Variants in PEX5L observed in about 807,000 individuals in gnomAD.
PEX5L encodes the protein PEX5-related protein.
In PEX5L, 30 loss-of-function variants were observed where a neutral mutation model predicts 84.0. That is an observed-to-expected ratio of 0.36 (90% CI 0.27 to 0.48). PEX5L has a LOEUF of 0.48. PEX5L is among the 20% of genes least tolerant of loss of function. The pLI, the probability that PEX5L is intolerant of heterozygous loss-of-function variation, is 0.99. For missense variants in PEX5L, 533 were observed against 754.6 expected, an observed-to-expected ratio of 0.71 and a Z score of 3.44; for synonymous variants, 270 against 283.1, an observed-to-expected ratio of 0.95 and a Z score of 0.46.
chr3:179,864,601 A>G (rs970578817), intron 7 of PEX5L, among the ~76,000 whole-genome samples: 7 of 152,120 alleles, frequency 4.6e-5, no homozygotes, highest in African/African-American at 1.7e-4. Context: ...AAAAAGTTCA[A>G]GAGATCTATG....
At position 179,841,560 on chromosome 3, in the gene PEX5L, T is replaced by G. The variant is rs1737311078; in HGVS notation, c.822+17502A>C. 2.0e-5 allele frequency among the ~76,000 whole-genome samples: 3 copies of G among 152,336 alleles called. No homozygotes were observed. The South Asian group carries it at 6.2e-4, about 32-fold the overall frequency. The stretch of plus-strand genomic sequence containing the variant: ...TGAAGGCAGAGATGGTGTCTCTTAT[T>G]TCAACATCTCTCATGCCTAACATAG... On this transcript the variant is annotated intron_variant, in intron 8 of 14. Transcript: ENST00000467460.
At chr3:179,875,137 A>G (rs1751903501) in intron 6 of PEX5L, among the ~76,000 whole-genome samples, 2 of 105,258 alleles carry the variant, frequency 1.9e-5, no homozygotes. Context: ...TGATTTAAGA[A>G]TCTCTCAAAA....
chr3:179,886,029 C>A (rs1461200684), intron 4 of PEX5L, among the ~76,000 whole-genome samples: 1 of 152,166 alleles, frequency 6.6e-6, no homozygotes, highest in Non-Finnish European at 1.5e-5. Flanking sequence ...ACAGGTCTCT[C>A]TTCCATATGT....
chr3:179,933,159 CT>C (rs1773589668), intron 2 of PEX5L, among the ~76,000 whole-genome samples: 1 of 152,180 alleles, frequency 6.6e-6, no homozygotes, highest in Admixed American at 6.5e-5. Context: ...TGAATGACCC[CT>C]GACTTTGATC....
chr3:179,911,566 C>G (rs931896717), intron 2 of PEX5L, among the ~76,000 whole-genome samples: 6 of 152,078 alleles, frequency 3.9e-5, no homozygotes, highest in Admixed American at 3.3e-4. Context: ...CAGCAAAATC[C>G]TGTTAGCTGA....
intron 2 of PEX5L, among the ~76,000 whole-genome samples, chr3:179,912,556 G>C (rs1765554390): frequency 6.6e-6 from 1 of 152,090 alleles, no homozygotes; most frequent in African/African-American, 2.4e-5. Flanking sequence ...AAGGTTCTCA[G>C]AAAGCAGAAG....
chr3:179,917,033 G>C (rs1767403844), intron 2 of PEX5L, among the ~76,000 whole-genome samples: 1 of 117,914 alleles, frequency 8.5e-6, no homozygotes, highest in Non-Finnish European at 1.9e-5. Context: ...ACATTGTATG[G>C]CTGTAAAAAA....
intron 1 of PEX5L, among the ~76,000 whole-genome samples, chr3:180,012,778 C>T (rs1183801239): frequency 6.6e-6 from 1 of 151,896 alleles, no homozygotes; most frequent in Non-Finnish European, 1.5e-5. Flanking sequence ...CTATGATAAT[C>T]CATTTTTAAT....
intron 8 of PEX5L, among the ~76,000 whole-genome samples, chr3:179,857,132 T>C (rs1744310819): frequency 6.6e-6 from 1 of 152,196 alleles, no homozygotes; most frequent in East Asian, 1.9e-4. Context: ...CATAGAGGCA[T>C]GGAAACTGAG....
intron 2 of PEX5L, among the ~76,000 whole-genome samples, chr3:179,916,132 T>C (rs2109307956): frequency 6.6e-6 from 1 of 152,302 alleles, no homozygotes; most frequent in East Asian, 1.9e-4. Context: ...ACTTCATACA[T>C]ATATATTTTG....
chr3:179,959,103 C>G (rs1017900383), intron 2 of PEX5L, among the ~76,000 whole-genome samples: 1 of 152,030 alleles, frequency 6.6e-6, no homozygotes, highest in African/African-American at 2.4e-5. Context: ...GGCCCCACCT[C>G]CAGAGTCTGA....
intron 2 of PEX5L, among the ~76,000 whole-genome samples, chr3:179,902,866 AG>A (rs1199974610): frequency 3.9e-5 from 6 of 152,182 alleles, no homozygotes; most frequent in African/African-American, 1.4e-4. Context: ...GAGATAGGTT[AG>A]ATTAGAGGAA....
chr3:179,804,410 A>G (rs1304464137), intron 14 of PEX5L: 1 of 152,200 alleles, frequency 6.6e-6, no homozygotes, highest in East Asian at 1.9e-4. Flanking sequence ...CACTAAAAAT[A>G]TTACTATCAA....
chr3:179,847,210 G>A (rs965391882), intron 8 of PEX5L, among the ~76,000 whole-genome samples: 5 of 151,742 alleles, frequency 3.3e-5, no homozygotes, highest in African/African-American at 1.2e-4. Flanking sequence ...ATATATATGT[G>A]CATATGTATT....
intron 2 of PEX5L, among the ~76,000 whole-genome samples, chr3:179,932,363 T>A (rs561740524): frequency 4.6e-5 from 7 of 152,312 alleles, no homozygotes; most frequent in African/African-American, 1.7e-4. Flanking sequence ...CTTTTTATTT[T>A]GCTGTTTACG....
intron 1 of PEX5L, among the ~76,000 whole-genome samples, chr3:180,007,622 G>T (rs1789036626): frequency 6.6e-6 from 1 of 152,230 alleles, no homozygotes; most frequent in Non-Finnish European, 1.5e-5. Flanking sequence ...GCAAACTTTT[G>T]CCTGGGCATC....
At chr3:180,006,282 CTTT>C (rs1213015529) in intron 1 of PEX5L, among the ~76,000 whole-genome samples, 3 of 151,924 alleles carry the variant, frequency 2.0e-5, no homozygotes, top group African/African-American at 7.3e-5. Flanking sequence ...CCACTTCCTT[CTTT>C]ATTATTATTT....
At chr3:179,987,706 A>G (rs770589901) in intron 1 of PEX5L, among the ~76,000 whole-genome samples, 1 of 152,190 alleles carries the variant, frequency 6.6e-6, no homozygotes, top group Non-Finnish European at 1.5e-5. Flanking sequence ...AGGTGCTGCT[A>G]AGTAACTGGA....
chr3:179,903,739 G>A (rs536014169), intron 2 of PEX5L, among the ~76,000 whole-genome samples: 2 of 152,290 alleles, frequency 1.3e-5, no homozygotes, highest in South Asian at 4.1e-4. Context: ...GAAAAGGTCA[G>A]GGCAATATTT....
Sources: gnomAD v4.1 joint callset for allele counts (sites outside exome capture counted in the v4.1 genomes callset) on GRCh38, gnomAD v4.1.1 for gene constraint, MANE v1.5 for transcripts, NCBI Gene and HGNC (gene_info 2026-07-23, HGNC 2026-07-21) for gene names.